XKR6: variants seen among roughly 807,000 people sequenced by gnomAD.
XKR6 encodes the protein XK related 6.
In XKR6, 22 loss-of-function variants were observed where a neutral mutation model predicts 56.7. The observed-to-expected ratio is 0.39, with a 90% CI of 0.28 to 0.55. The LOEUF is 0.55. Among genes scored for constraint, XKR6 ranks in the 20% least tolerant of loss-of-function variants. The pLI, the probability that XKR6 is intolerant of heterozygous loss-of-function variation, is 0.66. For synonymous variants in XKR6, 524 were observed against 387.8 expected (o/e 1.35, Z -4.13); for missense variants, 852 against 889.0 (o/e 0.96, Z 0.53).
chr8:11,098,425 G>C (rs1319458257), intron 1 of XKR6, among the ~76,000 whole-genome samples: 6 of 152,162 alleles, frequency 3.9e-5, no homozygotes, highest in Non-Finnish European at 8.8e-5. Context: ...GCAGTCTCGA[G>C]TTTTTCCTGA....
chr8:11,123,547 C>T (rs557544077), intron 1 of XKR6: 10 of 260,908 alleles, frequency 3.8e-5, no homozygotes, highest in Non-Finnish European at 6.8e-5. Flanking sequence ...AATATCATCA[C>T]CAACCTCAAA....
intron 1 of XKR6, among the ~76,000 whole-genome samples, chr8:11,151,554 TA>T (rs1431480893): frequency 1.3e-5 from 2 of 152,162 alleles, no homozygotes; most frequent in Non-Finnish European, 2.9e-5. Flanking sequence ...GACATTTCCC[TA>T]AAAGCTCATG....
chr8:11,011,485 A>G (rs1427017441), intron 1 of XKR6, among the ~76,000 whole-genome samples: 1 of 152,234 alleles, frequency 6.6e-6, no homozygotes, highest in East Asian at 1.9e-4. Context: ...TCATTCATTC[A>G]TTCAACAAAT....
Position 11,112,164 on chromosome 8 carries a change from G to C in XKR6, c.764+88412C>G, listed in dbSNP as rs532388683. 1.1e-4 allele frequency among the ~76,000 whole-genome samples: 17 copies of C among 152,220 alleles called. No homozygotes were observed. The South Asian group carries it at 3.1e-3, about 28-fold the overall frequency. On this transcript the variant is annotated intron_variant, in intron 1 of 2. Coordinates refer to ENST00000416569, the MANE Select transcript of XKR6 (RefSeq NM_173683.4). ...AAATATCTCCACATTCATAATTTGAGCCTTTAAAGTGGCATTAGTTCTGTC... is the reference window on the plus strand; with the variant it reads ...AAATATCTCCACATTCATAATTTGACCCTTTAAAGTGGCATTAGTTCTGTC...
intron 1 of XKR6, among the ~76,000 whole-genome samples, chr8:11,057,170 C>A (rs1799706880): frequency 6.6e-6 from 1 of 152,234 alleles, no homozygotes; most frequent in Non-Finnish European, 1.5e-5. Context: ...TATTTGTCAC[C>A]CAAACTAAAG....
rs1804184700 is a variant in XKR6, at chr8:11,200,882, T to C, written c.458A>G (p.Tyr153Cys). ...VGTDLWLALDYYRKGDYVYFG... is the reference protein window; with the variant it reads ...VGTDLWLALDCYRKGDYVYFG... ...GTAGACGTAGTCCCCCTTGCGGTAGTAGTCGAGGGCCAGCCACAGGTCGGT... is the reference window on the plus strand; with the variant it reads ...GTAGACGTAGTCCCCCTTGCGGTAGCAGTCGAGGGCCAGCCACAGGTCGGT... The change falls in exon 1 of 3, where the codon TAC (tyrosine) becomes TGC (cysteine). Residue 153 changes from tyrosine to cysteine, a missense_variant. By Grantham distance (194) the Tyr-to-Cys change is radical. Around this residue, in one of 4 missense-constraint regions of XKR6, gnomAD observed 417 missense variants for 355.2 expected, o/e 1.17. Transcript: ENST00000416569. This position sits in a 1 kb window ranked among gnomAD's most constrained non-coding sequence, Gnocchi z 6.4. 4.3e-6 allele frequency: 7 copies of C among 1,611,310 alleles called. No individual in the cohort carries two copies. The highest frequency in any genetic ancestry group is 5.9e-6 in the Non-Finnish European group (7 of 1,179,364).
intron 1 of XKR6, among the ~76,000 whole-genome samples, chr8:11,146,696 T>G (rs1801003781): frequency 6.6e-6 from 1 of 150,844 alleles, no homozygotes; most frequent in South Asian, 2.1e-4. Flanking sequence ...CAAGATATTA[T>G]TATGAGAATG....
intron 1 of XKR6, among the ~76,000 whole-genome samples, chr8:10,931,692 A>C (rs1563295614): frequency 6.6e-6 from 1 of 152,232 alleles, no homozygotes; most frequent in Non-Finnish European, 1.5e-5. Context: ...TAAGTCATTC[A>C]TATGCAACAA....
At chr8:11,077,718 A>T (rs1030744021) in intron 1 of XKR6, among the ~76,000 whole-genome samples, 2 of 152,140 alleles carry the variant, frequency 1.3e-5, no homozygotes, top group African/African-American at 4.8e-5. Context: ...CAGCCTCTCC[A>T]GGAGGAGTCC....
At chr8:11,084,052 G>A (rs1797808891) in intron 1 of XKR6, among the ~76,000 whole-genome samples, 2 of 152,226 alleles carry the variant, frequency 1.3e-5, no homozygotes, top group Non-Finnish European at 1.5e-5. Flanking sequence ...CCAGCCCTGT[G>A]TCTGCCCCAT....
intron 1 of XKR6, among the ~76,000 whole-genome samples, chr8:10,986,189 A>G (rs779338607): frequency 2.0e-5 from 3 of 152,238 alleles, no homozygotes; most frequent in Non-Finnish European, 4.4e-5. Flanking sequence ...GGAGTAGATT[A>G]TTTAATAAGT....
intron 1 of XKR6, among the ~76,000 whole-genome samples, chr8:11,163,289 C>T (rs1181084089): frequency 6.6e-6 from 1 of 152,158 alleles, no homozygotes; most frequent in Admixed American, 6.5e-5. Flanking sequence ...CATTGCACAG[C>T]TTATATTACC....
intron 1 of XKR6, chr8:11,124,307 A>G: frequency 3.0e-6 from 1 of 335,838 alleles, no homozygotes; most frequent in Non-Finnish European, 5.8e-6. Flanking sequence ...TCTACCCTTC[A>G]TTTCTACTGG....
At chr8:10,933,806 T>C (rs1269678256) in intron 1 of XKR6, among the ~76,000 whole-genome samples, 1 of 145,454 alleles carries the variant, frequency 6.9e-6, no homozygotes, top group Admixed American at 6.8e-5. Context: ...TGTAGCCTTG[T>C]AGTATAGTTT....
intron 1 of XKR6, among the ~76,000 whole-genome samples, chr8:11,021,354 G>C (rs1050753127): frequency 6.6e-6 from 1 of 152,238 alleles, no homozygotes; most frequent in Non-Finnish European, 1.5e-5. Context: ...ACTGCTGAGA[G>C]TTTCTAGCTG....
chr8:11,137,733 C>G (rs1800477896), intron 1 of XKR6: 1 of 455,974 alleles, frequency 2.2e-6, no homozygotes, highest in Non-Finnish European at 4.4e-6. Flanking sequence ...AGAAGAAAAC[C>G]AGTTGGCTCT....
In XKR6 at chr8:10,896,634, T is replaced by C. The variant is rs1296680694; in HGVS notation, c.*1318A>G. 2 of 152,584 alleles carry C rather than the reference T, an allele frequency of 1.3e-5. No individual in the cohort carries two copies. The highest frequency in any genetic ancestry group is 6.5e-5 in the Admixed American group (1 of 15,270). 9.5% of individuals were successfully genotyped at this position (152,584 alleles called of 1,614,324 possible). A position where few individuals can be genotyped will look rare whatever the true frequency, so the allele number is the denominator to read the frequency against. On this transcript the variant is annotated 3_prime_UTR_variant, in exon 3 of 3. Transcript: ENST00000416569. ...ACCCAGATGCACCAGGTGAGCTGAA[T>C]GATTTTCAGCCAACCACAATGGTGA...
At position 10,898,654 on chromosome 8, in the gene XKR6, G is replaced by T; in HGVS notation, c.1224C>A (p.Phe408Leu). The T allele has an allele frequency of 6.2e-7, 1 of 1,614,150 alleles. No homozygotes were observed. Residue 408 changes from phenylalanine to leucine, a missense_variant, in exon 3 of 3, where the codon TTC (phenylalanine) becomes TTA (leucine). Transcript: ENST00000416569. This position sits in a 1 kb window ranked among gnomAD's most constrained non-coding sequence, Gnocchi z 6.6. ...GGATCTCCTCCCACTTGGACATGCA[G>T]AAGTCTGTTCCGCCATGGATGATCC... is the stretch of plus-strand genomic sequence containing the variant. The part of the protein sequence containing the change: ...AFWIIHGGTD[F>L]CMSKWEEILF...
intron 1 of XKR6, among the ~76,000 whole-genome samples, chr8:10,997,988 T>C (rs1264577818): frequency 6.6e-6 from 1 of 152,154 alleles, no homozygotes; most frequent in East Asian, 1.9e-4. Flanking sequence ...AACCCCACTC[T>C]GTATTTTACA....
Sources: allele counts gnomAD v4.1 joint callset (sites outside exome capture counted in the v4.1 genomes callset), GRCh38; gene constraint gnomAD v4.1.1; regional missense constraint gnomAD v4.1.1; non-coding constraint Gnocchi (gnomAD v3.1); transcripts MANE v1.5; gene names NCBI Gene and HGNC (gene_info 2026-07-23, HGNC 2026-07-21).